The following AKAP6 variants were observed in gnomAD, a reference collection of about 807,000 sequenced individuals.
AKAP6 encodes A-kinase anchor protein 6.
In AKAP6, 58 loss-of-function variants were observed where a neutral mutation model predicts 188.5. The observed-to-expected ratio is 0.31, with a 90% CI of 0.25 to 0.38. The LOEUF (loss-of-function observed/expected upper bound fraction) is 0.38, where lower values mean the gene tolerates loss of function less well. Among genes scored for constraint, AKAP6 ranks in the 10% least tolerant of loss-of-function variants. The pLI is 1.00. For synonymous variants in AKAP6, 989 were observed against 998.6 expected (o/e 0.99, Z 0.18); for missense variants, 2,710 against 2,740.0 (o/e 0.99, Z 0.24).
intron 8 of AKAP6, among the ~76,000 whole-genome samples, chr14:32,688,472 A>G (rs182583327): frequency 8.5e-5 from 13 of 152,300 alleles, no homozygotes; most frequent in Admixed American, 7.8e-4. Flanking sequence ...ACAAATGTGT[A>G]TGTTATGTAT....
chr14:32,382,478 A>G (rs577004224), intron 1 of AKAP6, among the ~76,000 whole-genome samples: 4 of 152,344 alleles, frequency 2.6e-5, no homozygotes, highest in South Asian at 2.1e-4. Flanking sequence ...ATAAGGATTA[A>G]GTGAGCTACT....
rs2034798517 is a variant in AKAP6 at position 32,830,425 on chromosome 14, A to G, written c.*620A>G. 2 of 154,218 alleles carry G rather than the reference A, an allele frequency of 1.3e-5. No individual in the cohort carries two copies. The highest frequency in any genetic ancestry group is 1.3e-4 in the Admixed American group (2 of 15,442). The allele number at this position is 154,218 out of a possible 1,614,324, so 9.6% of individuals were successfully genotyped here. ...AAAATAATCTATGCAGCATTTCAAG[A>G]AACAACCATATGGTGTTGTATATTA... On this transcript the variant is annotated 3_prime_UTR_variant, in exon 14 of 14. Transcript: ENST00000280979.
At chr14:32,352,069 CCCTGTG>C (rs1393922949) in intron 1 of AKAP6, among the ~76,000 whole-genome samples, 1 of 137,822 alleles carries the variant, frequency 7.3e-6, no homozygotes, top group African/African-American at 2.8e-5. Context: ...TCTTGGGAGA[CCCTGTG>C]TGTGTGTGTG....
At chr14:32,394,608 T>C (rs1888814639) in intron 1 of AKAP6, among the ~76,000 whole-genome samples, 1 of 152,240 alleles carries the variant, frequency 6.6e-6, no homozygotes, top group Admixed American at 6.5e-5. Context: ...TCCCTTTCTC[T>C]TCTCTATGCC....
At chr14:32,547,313 G>A (rs1759861030) in intron 4 of AKAP6, among the ~76,000 whole-genome samples, 1 of 152,140 alleles carries the variant, frequency 6.6e-6, no homozygotes, top group Non-Finnish European at 1.5e-5. Context: ...AAATTAAATA[G>A]AATGATAGCT....
chr14:32,492,355 T>TATATATATATAGAGAGAGAGAGAGAG, intron 2 of AKAP6, among the ~76,000 whole-genome samples: 38 of 82,600 alleles, frequency 4.6e-4, no homozygotes, highest in East Asian at 3.9e-3. Context: ...TATATATATA[T>TATATATATATAGAGAGAGAGAGAGAG]AGAGAGAGAG....
intron 2 of AKAP6, among the ~76,000 whole-genome samples, chr14:32,475,067 G>A (rs1878988159): frequency 1.3e-5 from 2 of 152,178 alleles, no homozygotes; most frequent in Non-Finnish European, 2.9e-5. Flanking sequence ...ACAAAGGAAT[G>A]TACATCTCAG....
At chr14:32,667,207 G>T (rs903415459) in intron 7 of AKAP6, among the ~76,000 whole-genome samples, 10 of 152,044 alleles carry the variant, frequency 6.6e-5, no homozygotes, top group African/African-American at 2.4e-4. Context: ...TTAATAGATT[G>T]TATCAATTTA....
chr14:32,550,345 G>C (rs1033827983), intron 4 of AKAP6, among the ~76,000 whole-genome samples: 5 of 152,154 alleles, frequency 3.3e-5, no homozygotes, highest in African/African-American at 1.2e-4. Context: ...AAGAAGAAAT[G>C]GTTTATAGGC....
intron 1 of AKAP6, among the ~76,000 whole-genome samples, chr14:32,429,241 T>C (rs1341300950): frequency 6.6e-6 from 1 of 152,266 alleles, no homozygotes; most frequent in Non-Finnish European, 1.5e-5. Context: ...AGGAATCTTA[T>C]CTCAAGATGA....
At position 32,535,577 on chromosome 14, in the gene AKAP6, T is replaced by A; in HGVS notation, c.348T>A (p.Asp116Glu). The change falls in exon 3 of 14, where the codon GAT becomes GAA. Residue 116 changes from aspartate (D) to glutamate (E), a missense_variant. Physicochemically the swap from Asp to Glu is conservative, Grantham distance 45. Around this residue, in one of 2 missense-constraint regions of AKAP6, gnomAD observed 237 missense variants for 313.9 expected, o/e 0.76. Coordinates refer to ENST00000280979, the MANE Select transcript of AKAP6 (RefSeq NM_004274.5). ...AGGACATTTGTGAAGATATTTCTGA[T>A]CATGTTGAGCAAATCCATGCCCTCC... The part of the protein sequence containing the change: ...QLKDICEDIS[D>E]HVEQIHALLE... 1 of 1,613,860 alleles carries A rather than the reference T, an allele frequency of 6.2e-7. No individual in the cohort carries two copies. The highest frequency in any genetic ancestry group is 1.1e-5 in the South Asian group (1 of 91,044).
chr14:32,652,518 T>C (rs2139536728), intron 7 of AKAP6, among the ~76,000 whole-genome samples: 1 of 152,324 alleles, frequency 6.6e-6, no homozygotes, highest in South Asian at 2.1e-4. Context: ...CTTTATAAAA[T>C]CACAAAATTT....
chr14:32,489,670 G>A (rs73267357), intron 2 of AKAP6, among the ~76,000 whole-genome samples: 2,290 of 152,322 alleles, frequency 0.015, 70 homozygotes, highest in African/African-American at 0.052. Flanking sequence ...AGAAGAGTAC[G>A]TGGAATACCC....
rs114300582 is a variant in AKAP6 at position 32,359,854 on chromosome 14, C to T, written c.-35+30446C>T. The stretch of plus-strand genomic sequence containing the variant: ...TTTCTCATCACATCAGATTAGAGGG[C>T]TTGTAATAGCCATACAACATATTAC... On this transcript the variant is annotated intron_variant, in intron 1 of 13. Coordinates refer to ENST00000280979, the MANE Select transcript of AKAP6 (RefSeq NM_004274.5). Among the ~76,000 whole-genome samples, 624 of 152,258 alleles carry T rather than the reference C, an allele frequency of 4.1e-3. 3 individuals are homozygous for T. The highest frequency in any genetic ancestry group is 0.014 in the African/African-American group (600 of 41,534).
At chr14:32,682,442 C>T (rs950069779) in intron 8 of AKAP6, among the ~76,000 whole-genome samples, 5 of 152,160 alleles carry the variant, frequency 3.3e-5, no homozygotes, top group Admixed American at 6.5e-5. Context: ...CAGCATCTGG[C>T]GCAGTGCCTG....
At position 32,554,495 on chromosome 14, in the gene AKAP6, G is replaced by T. The variant is rs1464720974; in HGVS notation, c.2346+7496G>T. On this transcript the variant is annotated intron_variant, in intron 4 of 13. Coordinates refer to ENST00000280979, the MANE Select transcript of AKAP6 (RefSeq NM_004274.5). ...ATGACTTGCTCAGGGTCATAATGCT[G>T]CAAAGTGTGAGAGCTGGTATTCCAG... is the stretch of plus-strand genomic sequence containing the variant. 2.6e-5 allele frequency among the ~76,000 whole-genome samples: 4 copies of T among 152,330 alleles called. No homozygotes were observed. The East Asian group carries it at 7.7e-4, about 29-fold the overall frequency.
At chr14:32,524,081 A>G (rs1035291513) in intron 2 of AKAP6, among the ~76,000 whole-genome samples, 14 of 152,180 alleles carry the variant, frequency 9.2e-5, no homozygotes, top group African/African-American at 3.4e-4. Flanking sequence ...ACACGTGCCT[A>G]TAATCCAGCT....
At chr14:32,816,659 A>G (rs184926106) in intron 12 of AKAP6, among the ~76,000 whole-genome samples, 4 of 152,272 alleles carry the variant, frequency 2.6e-5, no homozygotes, top group African/African-American at 9.6e-5. Context: ...TGGTTCATCT[A>G]TACTGAGGTA....
At chr14:32,808,986 T>A (rs1244038540) in intron 12 of AKAP6, among the ~76,000 whole-genome samples, 1 of 152,226 alleles carries the variant, frequency 6.6e-6, no homozygotes, top group South Asian at 2.1e-4. Flanking sequence ...TCATAAGTCT[T>A]CACTCTGTGA....
Sources: gnomAD v4.1 joint callset for allele counts (sites outside exome capture counted in the v4.1 genomes callset) on GRCh38, gnomAD v4.1.1 for gene constraint, gnomAD v4.1.1 regional missense constraint, MANE v1.5 for transcripts, NCBI Gene and HGNC (gene_info 2026-07-23, HGNC 2026-07-21) for gene names.